DISP1: variants seen among roughly 807,000 people sequenced by gnomAD.
DISP1 encodes the protein protein dispatched homolog 1.
In DISP1, 30 loss-of-function variants were observed where a neutral mutation model predicts 37.3. That is an observed-to-expected ratio of 0.80 (90% confidence interval 0.60 to 1.09). The LOEUF (loss-of-function observed/expected upper bound fraction) is 1.09, where lower values mean the gene tolerates loss of function less well. DISP1 is among the 50% of genes least tolerant of loss of function. The probability of loss-of-function intolerance (pLI) is 0.00; values close to 1 mark genes in which losing one functional copy is unlikely to be tolerated. For missense variants in DISP1, 1,598 were observed against 1,879.5 expected (o/e 0.85, Z 2.77); for synonymous variants, 634 against 690.2 (o/e 0.92, Z 1.28).
chr1:222,962,012 G>GAAAA (rs147361599), intron 3 of DISP1, among the ~76,000 whole-genome samples: 8 of 149,266 alleles, frequency 5.4e-5, no homozygotes, highest in African/African-American at 2.0e-4. Flanking sequence ...CTCAAAAAAA[G>GAAAA]AAAAAAAAAG....
At chr1:222,847,963 T>C (rs1209864566) in intron 1 of DISP1, among the ~76,000 whole-genome samples, 2 of 152,168 alleles carry the variant, frequency 1.3e-5, no homozygotes, top group Non-Finnish European at 2.9e-5. Context: ...GTACTTTTTA[T>C]GCCTTTTTTT....
chr1:222,980,605 G>A (rs1677761052), intron 3 of DISP1, among the ~76,000 whole-genome samples: 1 of 152,014 alleles, frequency 6.6e-6, no homozygotes, highest in South Asian at 2.1e-4. Context: ...ATCCACAAAG[G>A]ACCATACATT....
intron 3 of DISP1, among the ~76,000 whole-genome samples, chr1:222,953,408 A>G (rs1675371393): frequency 6.6e-6 from 1 of 152,172 alleles, no homozygotes; most frequent in African/African-American, 2.4e-5. Context: ...TAAAGACATG[A>G]TGTGTTCCTT....
intron 8 of DISP1, among the ~76,000 whole-genome samples, chr1:222,997,132 G>A (rs918009408): frequency 9.3e-5 from 14 of 151,008 alleles, no homozygotes; most frequent in Admixed American, 2.0e-4. Context: ...TGTTGAGGTA[G>A]TTTACAGAAA....
At chr1:222,849,976 T>C (rs1668131112) in intron 1 of DISP1, among the ~76,000 whole-genome samples, 1 of 152,178 alleles carries the variant, frequency 6.6e-6, no homozygotes, top group South Asian at 2.1e-4. Flanking sequence ...ACATGGCTAA[T>C]AAAGATTGAG....
chr1:222,853,785 A>C (rs140079113), intron 1 of DISP1, among the ~76,000 whole-genome samples: 2,210 of 152,300 alleles, frequency 0.015, 57 homozygotes, highest in African/African-American at 0.051. Context: ...TAAGGGATAC[A>C]AAATTACAGC....
At chr1:222,901,757 C>T (rs1037007539) in intron 1 of DISP1, among the ~76,000 whole-genome samples, 2 of 152,162 alleles carry the variant, frequency 1.3e-5, no homozygotes, top group Non-Finnish European at 2.9e-5. Flanking sequence ...GAACTCCTGA[C>T]TTCCAGTGAT....
intron 3 of DISP1, among the ~76,000 whole-genome samples, chr1:222,981,310 CA>C (rs10719502): frequency 0.94 from 142,923 of 152,204 alleles, 67,730 homozygotes; most frequent in East Asian, 1. Flanking sequence ...GCTGAGAGAC[CA>C]AAAGGCAAAC....
chr1:223,001,909 T>A (rs1386307618), intron 8 of DISP1, among the ~76,000 whole-genome samples: 1 of 152,252 alleles, frequency 6.6e-6, no homozygotes, highest in Non-Finnish European at 1.5e-5. Context: ...AGTACTTTAG[T>A]CACCAACAAT....
At chr1:222,838,589 G>A (rs1410273863) in intron 1 of DISP1, among the ~76,000 whole-genome samples, 3 of 151,740 alleles carry the variant, frequency 2.0e-5, no homozygotes, top group Admixed American at 2.0e-4. Flanking sequence ...GGGCAACATA[G>A]TGAGACCCCA....
chr1:222,977,342 CTTTTTTTT>C (rs397982983), intron 3 of DISP1, among the ~76,000 whole-genome samples: 1 of 113,916 alleles, frequency 8.8e-6, no homozygotes, highest in East Asian at 2.5e-4. Context: ...TCAGCATATT[CTTTTTTTT>C]TTTTTTTTTT....
chr1:222,844,328 A>G (rs1422481478), intron 1 of DISP1, among the ~76,000 whole-genome samples: 1 of 152,170 alleles, frequency 6.6e-6, no homozygotes, highest in Non-Finnish European at 1.5e-5. Flanking sequence ...ACAGGAGTTT[A>G]GTATTTTTAT....
At chr1:222,925,744 A>C (rs1234828576) in intron 1 of DISP1, among the ~76,000 whole-genome samples, 1 of 152,128 alleles carries the variant, frequency 6.6e-6, no homozygotes, top group Non-Finnish European at 1.5e-5. Flanking sequence ...CATCCTGAGG[A>C]CTTACTAGAA....
At chr1:222,866,627 G>A (rs1324497812) in intron 1 of DISP1, among the ~76,000 whole-genome samples, 1 of 152,114 alleles carries the variant, frequency 6.6e-6, no homozygotes, top group Non-Finnish European at 1.5e-5. Flanking sequence ...ACAGGTGTGA[G>A]CCACCGCGCC....
intron 1 of DISP1, among the ~76,000 whole-genome samples, chr1:222,852,013 C>T (rs185895646): frequency 8.5e-5 from 13 of 152,100 alleles, no homozygotes; most frequent in African/African-American, 3.1e-4. Flanking sequence ...GGAGAAACCC[C>T]ATCTCTACTA....
intron 1 of DISP1, chr1:222,837,351 AT>A (rs1212944113): frequency 1.2e-4 from 42 of 336,292 alleles, no homozygotes; most frequent in Middle Eastern, 7.6e-4. Flanking sequence ...TTGTACTGTT[AT>A]GTGAGAGAGA....
Position 222,984,435 on chromosome 1 carries a change from T to TATATATATATATATATATAGAGAG in DISP1, c.539+1327_539+1328insTATATATATATATATATAGAGAGA, listed in dbSNP as rs67660273. 3.7e-5 allele frequency among the ~76,000 whole-genome samples: 4 copies of TATATATATATATATATATAGAGAG among 108,372 alleles called. No individual in the cohort carries two copies. In the East Asian group the frequency reaches 7.8e-4, roughly 21 times the overall value. The allele number at this position is 108,372 out of a possible 152,430, so 71.1% of individuals were successfully genotyped here. A position where few individuals can be genotyped will look rare whatever the true frequency, so the allele number is the denominator to read the frequency against. ...AAAAAAAAAAAAATATATATATATA[T>TATATATATATATATATATAGAGAG]AGAGAGAGAGAGAGAGAGAGAGAGC... On this transcript the variant is annotated intron_variant, in intron 4 of 8. Coordinates refer to ENST00000675850, the MANE Select transcript of DISP1 (RefSeq NM_001377229.1).
At chr1:222,834,058 C>T (rs1666409783) in intron 1 of DISP1, among the ~76,000 whole-genome samples, 2 of 152,236 alleles carry the variant, frequency 1.3e-5, no homozygotes, top group African/African-American at 2.4e-5. Context: ...CAGTAAGGCA[C>T]AGATTTTTAA....
intron 3 of DISP1, among the ~76,000 whole-genome samples, chr1:222,968,624 A>G (rs1396335230): frequency 6.6e-6 from 1 of 152,056 alleles, no homozygotes; most frequent in Non-Finnish European, 1.5e-5. Context: ...TAATTTTTAG[A>G]TTTTTTTCCC....
Sources: gnomAD v4.1 joint callset for allele counts (sites outside exome capture counted in the v4.1 genomes callset) on GRCh38, gnomAD v4.1.1 for gene constraint, MANE v1.5 for transcripts, NCBI Gene and HGNC (gene_info 2026-07-23, HGNC 2026-07-21) for gene names.